Variants in MIS18A observed in about 807,000 individuals in gnomAD.
MIS18A encodes protein Mis18-alpha.
Under a neutral mutation model 25.0 loss-of-function variants are expected in MIS18A, and 14 were observed. That is an observed-to-expected ratio of 0.56 (90% CI 0.37 to 0.88). MIS18A has a LOEUF of 0.88. MIS18A is among the 40% of genes least tolerant of loss of function. The pLI is 0.00. For synonymous variants in MIS18A, 134 were observed against 118.6 expected (o/e 1.13, Z -0.84); for missense variants, 292 against 290.8 (o/e 1.00, Z -0.03).
the MIS18A span, among the ~76,000 whole-genome samples, chr21:32,250,946 T>C: frequency 3.3e-5 from 5 of 152,218 alleles, no homozygotes; most frequent in Non-Finnish European, 7.3e-5. Flanking sequence ...AATTGAATCA[T>C]GGGGATGGTT....
chr21:32,267,245 A>C (rs775249212), downstream of MIS18A, among the ~76,000 whole-genome samples: 4 of 152,248 alleles, frequency 2.6e-5, no homozygotes, highest in Non-Finnish European at 5.9e-5. Context: ...TATGAAACAC[A>C]GTATTTCCTG....
At chr21:32,276,970 C>T (rs1482332442) in intron 1 of MIS18A, among the ~76,000 whole-genome samples, 1 of 152,148 alleles carries the variant, frequency 6.6e-6, no homozygotes, top group East Asian at 1.9e-4. Flanking sequence ...ATAAATAATC[C>T]TATTTTAAAA....
chr21:32,204,944 T>A, the MIS18A span, among the ~76,000 whole-genome samples: 39,957 of 151,856 alleles, frequency 0.26, 5,393 homozygotes, highest in East Asian at 0.4. Context: ...CTATCAACAA[T>A]GAAGAACTGG....
chr21:32,258,776 C>G, the MIS18A span, among the ~76,000 whole-genome samples: 1 of 152,142 alleles, frequency 6.6e-6, no homozygotes, highest in South Asian at 2.1e-4. Context: ...CACCTAGCAT[C>G]TTGTTGCAGC....
At chr21:32,173,891 T>C in the MIS18A span, among the ~76,000 whole-genome samples, 1 of 152,066 alleles carries the variant, frequency 6.6e-6, no homozygotes, top group Non-Finnish European at 1.5e-5. Flanking sequence ...CACTGAATTT[T>C]ATACTGTGAA....
the MIS18A span, among the ~76,000 whole-genome samples, chr21:32,201,838 T>TA: frequency 6.6e-6 from 1 of 151,696 alleles, no homozygotes; most frequent in Non-Finnish European, 1.5e-5. Flanking sequence ...AAATTTAAAC[T>TA]AAAAAAATTT....
At chr21:32,226,797 C>G in the MIS18A span, among the ~76,000 whole-genome samples, 73 of 152,262 alleles carry the variant, frequency 4.8e-4, no homozygotes, top group South Asian at 2.5e-3. Flanking sequence ...ATATTTTTCT[C>G]AAGCACACAT....
At chr21:32,235,596 C>T in the MIS18A span, among the ~76,000 whole-genome samples, 6 of 152,276 alleles carry the variant, frequency 3.9e-5, no homozygotes, top group East Asian at 7.7e-4. Flanking sequence ...AGGAAAAATA[C>T]GAACAAATGG....
At chr21:32,276,392 T>C (rs1416615170) in intron 1 of MIS18A, among the ~76,000 whole-genome samples, 1 of 125,068 alleles carries the variant, frequency 8.0e-6, no homozygotes, top group African/African-American at 3.2e-5. Flanking sequence ...ACCCGGGAGG[T>C]GGAGCTTGCA....
intron 2 of MIS18A, among the ~76,000 whole-genome samples, chr21:32,272,411 C>A (rs559757141): frequency 6.6e-6 from 1 of 152,326 alleles, no homozygotes; most frequent in South Asian, 2.1e-4. Flanking sequence ...AAGTCCAAGA[C>A]AACTGAAGGC....
chr21:32,233,721 T>C, the MIS18A span, among the ~76,000 whole-genome samples: 2 of 152,146 alleles, frequency 1.3e-5, no homozygotes, highest in Non-Finnish European at 2.9e-5. Context: ...TTACCAAGGT[T>C]GTAGGCACAA....
chr21:32,270,505 C>T lies in MIS18A; in HGVS notation c.426G>A (p.Ala142=), dbSNP rs776103660. 1.7e-5 allele frequency: 27 copies of T among 1,597,508 alleles called. 1 individual carries two copies. Among genetic ancestry groups the T allele is most frequent in the East Asian group, 2.3e-5 (1 of 44,332 alleles). ...NGCVLETLCC[A]GCSLNLGYVY... ...CGTAGCCAAGATTGAGTGAGCACCC[C>T]GCGCAGCACAAAGTCTCAAGGACGC... The change falls in exon 3 of 5, where the codon GCG becomes GCA. Residue 142 remains alanine (A), a synonymous_variant. Transcript: ENST00000290130.
chr21:32,200,435 C>CTTT, the MIS18A span, among the ~76,000 whole-genome samples: 2 of 137,026 alleles, frequency 1.5e-5, no homozygotes, highest in Admixed American at 7.3e-5. Context: ...AAGGCTTTTT[C>CTTT]TTTTTTTTTT....
the MIS18A span, among the ~76,000 whole-genome samples, chr21:32,206,179 G>A: frequency 6.6e-6 from 1 of 152,106 alleles, no homozygotes; most frequent in Non-Finnish European, 1.5e-5. Flanking sequence ...CCACCTAATA[G>A]GTCTCCACAG....
the MIS18A span, among the ~76,000 whole-genome samples, chr21:32,258,685 AAAAG>A: frequency 6.6e-6 from 1 of 152,124 alleles, no homozygotes; most frequent in Non-Finnish European, 1.5e-5. Context: ...ACCAACATAT[AAAAG>A]AACCATTTTA....
the MIS18A span, among the ~76,000 whole-genome samples, chr21:32,247,239 C>T: frequency 6.6e-6 from 1 of 152,178 alleles, no homozygotes; most frequent in South Asian, 2.1e-4. Context: ...TAAGCAGTGG[C>T]ATGATCTGGA....
the MIS18A span, among the ~76,000 whole-genome samples, chr21:32,219,993 A>C: frequency 6.6e-6 from 1 of 152,148 alleles, no homozygotes; most frequent in Non-Finnish European, 1.5e-5. Context: ...CTTATAGATA[A>C]AACTCCCATC....
the MIS18A span, among the ~76,000 whole-genome samples, chr21:32,207,030 C>G: frequency 2.0e-5 from 3 of 152,330 alleles, no homozygotes; most frequent in East Asian, 3.9e-4. Flanking sequence ...ACTTTGGGAT[C>G]AAAATCTTAA....
chr21:32,268,971 A>G lies in MIS18A; in HGVS notation c.*66T>C. On this transcript the variant is annotated 3_prime_UTR_variant, in exon 5 of 5. Transcript: ENST00000290130. ...TTTTTTGTAGAGACGACGTCTCACT[A>G]TGTTGCTTCATTTAACAAATAAGGG... is the stretch of plus-strand genomic sequence containing the variant. 1 of 1,132,222 alleles carries G rather than the reference A, an allele frequency of 8.8e-7. No homozygotes were observed. The allele number at this position is 1,132,222 out of a possible 1,614,324, so 70.1% of individuals were successfully genotyped here.
Sources: allele counts gnomAD v4.1 joint callset (sites outside exome capture counted in the v4.1 genomes callset), GRCh38; gene constraint gnomAD v4.1.1; transcripts MANE v1.5; gene names NCBI Gene and HGNC (gene_info 2026-07-23, HGNC 2026-07-21).